CHST9: variants seen among roughly 807,000 people sequenced by gnomAD.
CHST9 encodes the protein carbohydrate sulfotransferase 9.
CHST9 carries 41 observed loss-of-function variants against 44.4 expected under a neutral mutation model. That is an observed-to-expected ratio of 0.92 (90% CI 0.72 to 1.20). The LOEUF is 1.20. CHST9 is among the 50% of genes most tolerant of loss of function. CHST9 has a pLI of 0.00. For missense variants in CHST9, 504 were observed against 516.5 expected (o/e 0.98, Z 0.23); for synonymous variants, 171 against 178.4 (o/e 0.96, Z 0.33).
At chr18:27,047,556 T>C (rs1435186392) in intron 3 of CHST9, among the ~76,000 whole-genome samples, 2 of 152,270 alleles carry the variant, frequency 1.3e-5, no homozygotes, top group Admixed American at 1.3e-4. Context: ...CAGAAGCTTA[T>C]GCTGTTTATA....
intron 4 of CHST9, among the ~76,000 whole-genome samples, chr18:27,019,689 C>CAAAAAAAAAAAAAA (rs60043018): frequency 3.3e-5 from 3 of 91,308 alleles, no homozygotes; most frequent in African/African-American, 8.5e-5. Context: ...CACTACATGG[C>CAAAAAAAAAAAAAA]AAAAAAAAAA....
chr18:27,082,326 A>G (rs1332806755), intron 2 of CHST9, among the ~76,000 whole-genome samples: 1 of 152,244 alleles, frequency 6.6e-6, no homozygotes, highest in East Asian at 1.9e-4. Context: ...ACTATCAGAT[A>G]ATTCTCAGAT....
chr18:27,147,689 C>A, intron 1 of CHST9: 1 of 152,418 alleles, frequency 6.6e-6, no homozygotes, highest in Non-Finnish European at 1.5e-5. Context: ...TTGCCTCTAT[C>A]TTTTCCAGGT....
intron 4 of CHST9, among the ~76,000 whole-genome samples, chr18:26,997,628 A>G (rs2056901573): frequency 6.6e-6 from 1 of 152,242 alleles, no homozygotes. Flanking sequence ...GAAAGGGTTA[A>G]GATAAATGTG....
intron 2 of CHST9, among the ~76,000 whole-genome samples, chr18:27,125,869 C>G (rs187073517): frequency 6.6e-6 from 1 of 152,154 alleles, no homozygotes; most frequent in Non-Finnish European, 1.5e-5. Context: ...ACAGGCTACC[C>G]AAGTGAGTTT....
At chr18:27,032,925 A>C (rs1436318423) in intron 3 of CHST9, among the ~76,000 whole-genome samples, 1 of 152,234 alleles carries the variant, frequency 6.6e-6, no homozygotes, top group African/African-American at 2.4e-5. Flanking sequence ...AAGTAGATAC[A>C]GCTTTGCAAC....
intron 2 of CHST9, among the ~76,000 whole-genome samples, chr18:27,096,706 C>A (rs2058120297): frequency 6.6e-6 from 1 of 151,960 alleles, no homozygotes; most frequent in South Asian, 2.1e-4. Context: ...TTCCTGGTCA[C>A]ATACAATCTC....
chr18:27,135,377 T>G (rs1265626439), intron 2 of CHST9, among the ~76,000 whole-genome samples: 3 of 152,170 alleles, frequency 2.0e-5, no homozygotes, highest in African/African-American at 7.2e-5. Flanking sequence ...ACTTTGTTGG[T>G]CTCACTTTAT....
At chr18:26,930,027 AGCATC>A (rs1009307261) in intron 5 of CHST9, among the ~76,000 whole-genome samples, 16 of 152,228 alleles carry the variant, frequency 1.1e-4, no homozygotes, top group Non-Finnish European at 4.4e-5. Context: ...CACTGGATTA[AGCATC>A]TACTGGTCCC....
chr18:27,112,950 G>T (rs1361602234), intron 2 of CHST9, among the ~76,000 whole-genome samples: 1 of 152,072 alleles, frequency 6.6e-6, no homozygotes, highest in African/African-American at 2.4e-5. Context: ...AGCACTTTGA[G>T]AGGCCGAGGC....
chr18:27,004,662 T>C (rs1171364589), intron 4 of CHST9, among the ~76,000 whole-genome samples: 1 of 152,158 alleles, frequency 6.6e-6, no homozygotes, highest in Non-Finnish European at 1.5e-5. Flanking sequence ...TCAAAATCTC[T>C]TTCACAGTAA....
At chr18:27,053,263 A>AAGAAGAG (rs2057604513) in intron 2 of CHST9, among the ~76,000 whole-genome samples, 1 of 69,350 alleles carries the variant, frequency 1.4e-5, no homozygotes, top group African/African-American at 5.6e-5. Context: ...AAGAAGAAGG[A>AAGAAGAG]GAAGGAGAAG....
intron 2 of CHST9, among the ~76,000 whole-genome samples, chr18:27,099,173 T>C (rs2058146796): frequency 6.6e-6 from 1 of 152,150 alleles, no homozygotes; most frequent in Non-Finnish European, 1.5e-5. Flanking sequence ...CCTGTCACCA[T>C]ATACAAAAAT....
At chr18:27,095,052 A>T (rs1426864785) in intron 2 of CHST9, among the ~76,000 whole-genome samples, 3 of 152,200 alleles carry the variant, frequency 2.0e-5, no homozygotes, top group Admixed American at 1.3e-4. Flanking sequence ...CTTTTGGGGA[A>T]GATCCCCTTC....
rs76651172 is a variant in CHST9 at position 27,001,278 on chromosome 18, G to T, written c.202+22838C>A. Among the ~76,000 whole-genome samples the T allele has an allele frequency of 0.012, 1,875 of 152,204 alleles. 161 individuals carry two copies. In the East Asian group the frequency reaches 0.24, roughly 20 times the overall value. On this transcript the variant is annotated intron_variant, in intron 4 of 5. Transcript: ENST00000618847. ...GACTCTAGGACTGGACATTAAACTTGGTAGATTAAGAGGAGGAAGAGAAAT... is the reference window on the plus strand; with the variant it reads ...GACTCTAGGACTGGACATTAAACTTTGTAGATTAAGAGGAGGAAGAGAAAT...
At chr18:26,927,938 C>G (rs232335) in intron 5 of CHST9, among the ~76,000 whole-genome samples, 65,074 of 151,860 alleles carry the variant, frequency 0.43, 14,417 homozygotes, top group East Asian at 0.7. Flanking sequence ...AGGTCCCTGC[C>G]GCCTTCCGTG....
At chr18:26,950,198 T>G (rs1170447899) in intron 4 of CHST9, among the ~76,000 whole-genome samples, 1 of 152,168 alleles carries the variant, frequency 6.6e-6, no homozygotes, top group Non-Finnish European at 1.5e-5. Context: ...TGCTGTGCCC[T>G]GGGCCTAGGC....
chr18:27,124,657 T>C (rs1464105336), intron 2 of CHST9, among the ~76,000 whole-genome samples: 1 of 152,236 alleles, frequency 6.6e-6, no homozygotes, highest in Non-Finnish European at 1.5e-5. Flanking sequence ...GAGTTTCAGG[T>C]TGCAGTTATA....
rs186865153 is a variant in CHST9, at chr18:27,086,540, G to A, written c.122-38037C>T. The stretch of plus-strand genomic sequence containing the variant: ...AGTAATCAAAAGAGTTTTCTAACAG[G>A]TAAGGAAACTGAAGAGTGAAATAAT... On this transcript the variant is annotated intron_variant, in intron 2 of 5. Transcript: ENST00000618847. Among the ~76,000 whole-genome samples, 176 of 152,238 alleles carry A rather than the reference G, an allele frequency of 1.2e-3. 3 individuals carry two copies. In the East Asian group the frequency reaches 0.021, roughly 18 times the overall value.
Sources: allele counts gnomAD v4.1 joint callset (sites outside exome capture counted in the v4.1 genomes callset), GRCh38; gene constraint gnomAD v4.1.1; transcripts MANE v1.5; gene names NCBI Gene and HGNC (gene_info 2026-07-23, HGNC 2026-07-21).